Variants in TMEM39B observed in about 807,000 individuals in gnomAD.
The protein encoded by TMEM39B is transmembrane protein 39B.
Under a neutral mutation model 52.2 loss-of-function variants are expected in TMEM39B, and 23 were observed. That is an observed-to-expected ratio of 0.44 (90% confidence interval 0.32 to 0.62). TMEM39B has a LOEUF of 0.62. Ranked by LOEUF, TMEM39B falls within the 20% of genes least tolerant of loss-of-function variation. The pLI, the probability that TMEM39B is intolerant of heterozygous loss-of-function variation, is 0.06. For synonymous variants in TMEM39B, 285 were observed against 264.0 expected, an observed-to-expected ratio of 1.08 and a Z score of -0.77; for missense variants, 547 against 642.0, an observed-to-expected ratio of 0.85 and a Z score of 1.60.
Position 32,076,838 on chromosome 1 carries a change from G to A in TMEM39B, c.427G>A (p.Val143Met), listed in dbSNP as rs149666383. 161 of 1,613,974 alleles carry A rather than the reference G, an allele frequency of 1.0e-4. No individual in the cohort carries two copies. Among genetic ancestry groups the A allele is most frequent in the Non-Finnish European group, 1.2e-4 (141 of 1,180,034 alleles). Residue 143 changes from valine to methionine, a missense_variant, in exon 4 of 9, where the codon GTG becomes ATG. Transcript: ENST00000336294. Reference protein sequence around the residue: ...VLGRRFIGSIVKEASQRGKVS... With the variant: ...VLGRRFIGSIMKEASQRGKVS... ...GGGCCGCCGCTTCATTGGGTCCATC[G>A]TGAAGGAGGTGATTGGGTCCTAGAG...
In TMEM39B at chr1:32,073,039, G is replaced by T; in HGVS notation, c.-9G>T. On this transcript the variant is annotated 5_prime_UTR_variant, in exon 1 of 9. Transcript: ENST00000336294. ...GCGGCGGCGAAGCGGAGAGCACCGG[G>T]GGGAGGAGATGGGTGAGCAGAGCGG... 1 of 1,524,446 alleles carries T rather than the reference G, an allele frequency of 6.6e-7. No individual in the cohort carries two copies. 94.4% of individuals were successfully genotyped at this position (1,524,446 alleles called of 1,614,324 possible). A position where few individuals can be genotyped will look rare whatever the true frequency, so the allele number is the denominator to read the frequency against.
chr1:32,083,980 G>T lies in TMEM39B; in HGVS notation c.590+6662G>T, dbSNP rs556083619. Among the ~76,000 whole-genome samples, 24 of 130,428 alleles carry T rather than the reference G, an allele frequency of 1.8e-4. No homozygotes were observed. The South Asian group carries it at 5.9e-3, about 32-fold the overall frequency. 85.6% of individuals were successfully genotyped at this position (130,428 alleles called of 152,430 possible). ...AGCGTGGGCAATAGAGCAAGACCCT[G>T]TTTCAGACACACAGACACACACACA... On this transcript the variant is annotated intron_variant, in intron 5 of 8. Coordinates refer to ENST00000336294, the MANE Select transcript of TMEM39B (RefSeq NM_018056.4).
At chr1:32,096,324 A>G (rs1301899801) in intron 7 of TMEM39B, among the ~76,000 whole-genome samples, 1 of 152,072 alleles carries the variant, frequency 6.6e-6, no homozygotes, top group Non-Finnish European at 1.5e-5. Flanking sequence ...AGTGGCCCAT[A>G]ATACCATAAT....
At chr1:32,093,247 C>T (rs1391367870) in intron 6 of TMEM39B, among the ~76,000 whole-genome samples, 4 of 151,578 alleles carry the variant, frequency 2.6e-5, no homozygotes, top group Non-Finnish European at 5.9e-5. Flanking sequence ...TACAGGCGAG[C>T]ACCACCACAC....
At chr1:32,097,628 C>G (rs559768532) in intron 7 of TMEM39B, among the ~76,000 whole-genome samples, 2 of 151,410 alleles carry the variant, frequency 1.3e-5, no homozygotes, top group Non-Finnish European at 2.9e-5. Context: ...CTGTTGCACC[C>G]GGCCCCAACT....
intron 5 of TMEM39B, among the ~76,000 whole-genome samples, chr1:32,088,569 T>TG (rs1288814154): frequency 1.2e-3 from 182 of 151,714 alleles, no homozygotes; most frequent in African/African-American, 4.2e-3. Flanking sequence ...CTCCCATTTT[T>TG]TTTTTTTTTT....
chr1:32,091,601 G>A, intron 5 of TMEM39B, 74 bp from the exon 6 acceptor site: 1 of 1,483,108 alleles, frequency 6.7e-7, no homozygotes, highest in Non-Finnish European at 9.1e-7. Flanking sequence ...AAGGAAAGAA[G>A]ATCCCCTCAG....
chr1:32,080,831 T>A (rs772367227), intron 5 of TMEM39B, among the ~76,000 whole-genome samples: 2 of 152,114 alleles, frequency 1.3e-5, no homozygotes, highest in Non-Finnish European at 2.9e-5. Flanking sequence ...AATATAAACA[T>A]ATTGTAAAAA....
chr1:32,102,358 C>T (rs1641048599), intron 8 of TMEM39B, 73 bp from the exon 9 acceptor site: 7 of 1,560,848 alleles, frequency 4.5e-6, no homozygotes, highest in South Asian at 3.7e-5. Flanking sequence ...TTCACTGGCC[C>T]ACCCAGAACC....
intron 7 of TMEM39B, 72 bp from the exon 8 acceptor site, chr1:32,100,370 C>T (rs1453938822): frequency 6.7e-7 from 1 of 1,481,560 alleles, no homozygotes; most frequent in East Asian, 2.3e-5. Context: ...GTGATTCCCT[C>T]CTGCCCATTC....
rs557829793 is a variant in TMEM39B, at chr1:32,081,516, G to C, written c.590+4198G>C. Among the ~76,000 whole-genome samples the C allele has an allele frequency of 2.6e-5, 4 of 152,268 alleles. No homozygotes were observed. In the East Asian group the frequency reaches 5.8e-4, roughly 22 times the overall value. On this transcript the variant is annotated intron_variant, in intron 5 of 8. Transcript: ENST00000336294. ...TAATCCCAGCACTTTGGAAGGCCAA[G>C]GTGAATGGATCACTTGAGGTCAGGA...
intron 5 of TMEM39B, among the ~76,000 whole-genome samples, chr1:32,089,508 G>A (rs182196175): frequency 8.2e-4 from 125 of 151,786 alleles, no homozygotes; most frequent in African/African-American, 2.8e-3. Context: ...TTTATATTAC[G>A]GACTGTACAG....
At chr1:32,073,219 C>A in intron 1 of TMEM39B, 168 bp downstream of exon 1, 1 of 752,732 alleles carries the variant, frequency 1.3e-6, no homozygotes, top group Non-Finnish European at 1.8e-6. Context: ...GGGGTGGGGC[C>A]TCTGTTGTGG....
In TMEM39B at chr1:32,077,173, AG is replaced by A; in HGVS notation, c.450del (p.Lys151ArgfsTer39). 6.2e-7 allele frequency: 1 copy of A among 1,614,018 alleles called. No homozygotes were observed. The highest frequency in any genetic ancestry group is 8.5e-7 in the Non-Finnish European group (1 of 1,179,980). On this transcript the variant is annotated frameshift_variant, in exon 5 of 9. Coordinates refer to ENST00000336294, the MANE Select transcript of TMEM39B (RefSeq NM_018056.4). LOFTEE classifies it high-confidence loss of function. ...TCTTGCCCCGACCCAGGCCTCTCAGAGGGGGAAGGTCTCCCTCTTTCGCTCC... is the reference window on the plus strand; with the variant it reads ...TCTTGCCCCGACCCAGGCCTCTCAGAGGGGAAGGTCTCCCTCTTTCGCTCC... The part of the protein sequence containing the change: ...IGSIVKEASQ[R>X]GKVSLFRSIL...
At chr1:32,088,808 G>A (rs1640486664) in intron 5 of TMEM39B, among the ~76,000 whole-genome samples, 1 of 151,734 alleles carries the variant, frequency 6.6e-6, no homozygotes, top group Non-Finnish European at 1.5e-5. Context: ...GTTCACATAG[G>A]TGCCCCCGCC....
At chr1:32,077,370 C>G (rs764937732) in intron 5 of TMEM39B, 52 bp downstream of exon 5, 31 of 1,599,150 alleles carry the variant, frequency 1.9e-5, no homozygotes, top group Non-Finnish European at 2.5e-5. Flanking sequence ...CCCCTGACCT[C>G]TGCCCTGACC....
chr1:32,075,891 T>C, intron 3 of TMEM39B, 69 bp downstream of exon 3: 1 of 1,126,736 alleles, frequency 8.9e-7, no homozygotes, highest in East Asian at 2.6e-5. Context: ...TGTGTGTGTT[T>C]CTTTTGGTTT....
chr1:32,100,825 A>G (rs1640994752), intron 8 of TMEM39B: 1 of 420,458 alleles, frequency 2.4e-6, no homozygotes, highest in Admixed American at 4.0e-5. Context: ...CAGGAGTTCA[A>G]GACCAGACCA....
intron 5 of TMEM39B, among the ~76,000 whole-genome samples, chr1:32,083,381 C>T (rs1640196269): frequency 6.8e-6 from 1 of 147,012 alleles, no homozygotes; most frequent in Non-Finnish European, 1.5e-5. Context: ...CCACGCCTGG[C>T]CGGCAGGAAC....
Sources: allele counts gnomAD v4.1 joint callset (sites outside exome capture counted in the v4.1 genomes callset), GRCh38; gene constraint gnomAD v4.1.1; transcripts MANE v1.5; gene names NCBI Gene and HGNC (gene_info 2026-07-23, HGNC 2026-07-21).